NLRP11: variants seen among roughly 807,000 people sequenced by gnomAD.
NLRP11 encodes the protein NACHT, LRR and PYD domains-containing protein 11.
Under a neutral mutation model 79.3 loss-of-function variants are expected in NLRP11, and 53 were observed. The observed-to-expected ratio is 0.67, with a 90% confidence interval of 0.54 to 0.84. The LOEUF (loss-of-function observed/expected upper bound fraction) is 0.84, where lower values mean the gene tolerates loss of function less well. Among genes scored for constraint, NLRP11 ranks in the 40% least tolerant of loss-of-function variants. NLRP11 has a pLI of 0.00. For missense variants in NLRP11, 1,264 were observed against 1,255.0 expected (o/e 1.01, Z -0.11); for synonymous variants, 518 against 462.6 (o/e 1.12, Z -1.54).
At chr19:55,800,845 C>G (rs1979410511) in intron 5 of NLRP11, among the ~76,000 whole-genome samples, 1 of 152,042 alleles carries the variant, frequency 6.6e-6, no homozygotes. Flanking sequence ...GCATTAATGA[C>G]ATATGGATAT....
intron 5 of NLRP11, among the ~76,000 whole-genome samples, chr19:55,800,385 GCAA>G (rs1314495268): frequency 1.3e-5 from 2 of 152,290 alleles, no homozygotes; most frequent in South Asian, 2.1e-4. Flanking sequence ...TCAGCTCACT[GCAA>G]CATCTGCCTC....
intron 1 of NLRP11, among the ~76,000 whole-genome samples, chr19:55,829,906 T>C (rs1402660617): frequency 2.0e-5 from 3 of 152,140 alleles, no homozygotes; most frequent in East Asian, 1.9e-4. Flanking sequence ...AGAAGCCTTA[T>C]CAACAGTCAA....
At position 55,809,175 on chromosome 19, in the gene NLRP11, T is replaced by C. The variant is rs1454812385; in HGVS notation, c.1435A>G (p.Lys479Glu). The change falls in exon 3 of 10, where the codon AAA becomes GAA. Residue 479 changes from lysine (K) to glutamate (E), a missense_variant. Transcript: ENST00000589093. This position sits in a 1 kb window ranked among gnomAD's most constrained non-coding sequence, Gnocchi z 4.5. ...TCAGAGTATTGTTCTCTCTTCTCTT[T>C]ATACTCTCTGCTGCCTGAGGGGATC... is the stretch of plus-strand genomic sequence containing the variant. The C allele has an allele frequency of 6.2e-7, 1 of 1,613,772 alleles. No individual in the cohort carries two copies. Among genetic ancestry groups the C allele is most frequent in the Non-Finnish European group, 8.5e-7 (1 of 1,179,690 alleles).
At chr19:55,795,098 G>A (rs904905308) in intron 6 of NLRP11, among the ~76,000 whole-genome samples, 2 of 151,976 alleles carry the variant, frequency 1.3e-5, no homozygotes, top group Non-Finnish European at 2.9e-5. Context: ...ACAGATCTCC[G>A]CCCTTCATTT....
intron 5 of NLRP11, among the ~76,000 whole-genome samples, chr19:55,797,167 T>C (rs1048517583): frequency 2.0e-5 from 3 of 152,126 alleles, no homozygotes; most frequent in Admixed American, 6.6e-5. Flanking sequence ...GGAGTGGTGG[T>C]GCACGACTAT....
At chr19:55,787,507 T>C (rs137924486) in intron 9 of NLRP11, among the ~76,000 whole-genome samples, 7 of 152,250 alleles carry the variant, frequency 4.6e-5, no homozygotes, top group African/African-American at 1.4e-4. Flanking sequence ...CGGCTAACTT[T>C]TGTATTTTTA....
intron 6 of NLRP11, among the ~76,000 whole-genome samples, chr19:55,793,296 C>G (rs932370052): frequency 1.3e-5 from 2 of 151,980 alleles, no homozygotes; most frequent in African/African-American, 4.8e-5. Flanking sequence ...AGGCCGGGCA[C>G]GGTGGTTCAC....
At chr19:55,789,173 C>CT (rs1990087133) in intron 8 of NLRP11, 56 bp downstream of exon 8, 1 of 1,540,514 alleles carries the variant, frequency 6.5e-7, no homozygotes, top group Non-Finnish European at 8.8e-7. Context: ...TCCTCTTGTG[C>CT]TTTTCTTCAG....
At chr19:55,794,931 G>T (rs1375375599) in intron 6 of NLRP11, among the ~76,000 whole-genome samples, 1 of 151,976 alleles carries the variant, frequency 6.6e-6, no homozygotes, top group African/African-American at 2.4e-5. Flanking sequence ...CCTAAAAAGG[G>T]GGCGAAAGGA....
At chr19:55,835,078 CCA>C (rs1600212471), upstream of NLRP11, among the ~76,000 whole-genome samples, 1 of 152,150 alleles carries the variant, frequency 6.6e-6, no homozygotes, top group Admixed American at 6.5e-5. Flanking sequence ...AGGTTCTGGA[CCA>C]CAGAGACTTG....
upstream of NLRP11, chr19:55,836,566 A>G (rs1983306950): frequency 1.3e-5 from 2 of 152,448 alleles, no homozygotes; most frequent in South Asian, 2.1e-4. Flanking sequence ...TGGAGCGGTG[A>G]GTCAGCGCTT....
chr19:55,808,136 A>C lies in NLRP11; in HGVS notation c.1842-122T>G, dbSNP rs45565433. 5,891 of 608,056 alleles carry C rather than the reference A, an allele frequency of 9.7e-3. 61 individuals carry two copies. The highest frequency in any genetic ancestry group is 8.5e-3 in the Non-Finnish European group (3,012 of 353,116). 37.7% of individuals were successfully genotyped at this position (608,056 alleles called of 1,614,324 possible). On this transcript the variant is annotated intron_variant, in intron 3 of 9. Transcript: ENST00000589093. ...GTCTGACTCAGATTTAATACCATGCAGCAAGAAATAAAGTAGGGTCAAACA... is the reference window on the plus strand; with the variant it reads ...GTCTGACTCAGATTTAATACCATGCCGCAAGAAATAAAGTAGGGTCAAACA...
intron 6 of NLRP11, among the ~76,000 whole-genome samples, chr19:55,792,806 T>C (rs751490687): frequency 6.6e-6 from 1 of 152,220 alleles, no homozygotes; most frequent in Non-Finnish European, 1.5e-5. Context: ...GGATTTTCAG[T>C]TTAAAAACTC....
chr19:55,820,775 A>G (rs114609416), intron 1 of NLRP11, among the ~76,000 whole-genome samples: 1,945 of 152,296 alleles, frequency 0.013, 47 homozygotes, highest in African/African-American at 0.043. Flanking sequence ...TGGACCTACA[A>G]AGATATTTAT....
chr19:55,795,677 A>C (rs1346610291), intron 6 of NLRP11, among the ~76,000 whole-genome samples: 1 of 151,982 alleles, frequency 6.6e-6, no homozygotes, highest in Admixed American at 6.6e-5. Flanking sequence ...TTTAGTAGAG[A>C]CAGGGTTTCA....
chr19:55,794,500 T>G (rs28649904), intron 6 of NLRP11, among the ~76,000 whole-genome samples: 1 of 151,982 alleles, frequency 6.6e-6, no homozygotes, highest in African/African-American at 2.4e-5. Context: ...GTGGCTCACA[T>G]CTGTAATCCC....
At chr19:55,796,280 G>T (rs551482826) in intron 5 of NLRP11, 30 bp from the exon 6 acceptor site, 3 of 1,582,072 alleles carry the variant, frequency 1.9e-6, no homozygotes, top group South Asian at 2.2e-5. Context: ...ATGAAAAGAG[G>T]CTCCCGCGTT....
chr19:55,799,030 G>A (rs1979217305), intron 5 of NLRP11, among the ~76,000 whole-genome samples: 1 of 152,178 alleles, frequency 6.6e-6, no homozygotes, highest in Non-Finnish European at 1.5e-5. Context: ...AAAGTAAGAG[G>A]CTGAGGTGGG....
chr19:55,818,234 G>C lies in NLRP11; in HGVS notation c.-60C>G. Reference sequence around the variant, plus strand: ...GGATTTTGAGGCACAAGAAATATGAGATCTAAAAATAGATGTGGAATCAGA... The same window carrying C: ...GGATTTTGAGGCACAAGAAATATGACATCTAAAAATAGATGTGGAATCAGA... On this transcript the variant is annotated splice_region_variant and 5_prime_UTR_variant, in exon 2 of 10. It adds an upstream start codon to the 5' untranslated region. Transcript: ENST00000589093. 7.3e-7 allele frequency: 1 copy of C among 1,372,696 alleles called. No individual in the cohort carries two copies. Among genetic ancestry groups the C allele is most frequent in the African/African-American group, 1.4e-5 (1 of 69,674 alleles). 85.0% of individuals were successfully genotyped at this position (1,372,696 alleles called of 1,614,324 possible). A position where few individuals can be genotyped will look rare whatever the true frequency, so the allele number is the denominator to read the frequency against.
Sources: allele counts gnomAD v4.1 joint callset (sites outside exome capture counted in the v4.1 genomes callset), GRCh38; gene constraint gnomAD v4.1.1; non-coding constraint Gnocchi (gnomAD v3.1); transcripts MANE v1.5; gene names NCBI Gene and HGNC (gene_info 2026-07-23, HGNC 2026-07-21).